Variants in FBLN5 observed in about 807,000 individuals in gnomAD.
FBLN5 encodes the protein fibulin-5.
In FBLN5, 24 loss-of-function variants were observed where a neutral mutation model predicts 61.6. That is an observed-to-expected ratio of 0.39 (90% CI 0.28 to 0.55). FBLN5 has a LOEUF of 0.55. FBLN5 is among the 20% of genes least tolerant of loss of function. FBLN5 has a pLI of 0.65. For missense variants in FBLN5, 470 were observed against 594.1 expected, an observed-to-expected ratio of 0.79 and a Z score of 2.17; for synonymous variants, 213 against 219.8, an observed-to-expected ratio of 0.97 and a Z score of 0.27.
At chr14:91,932,959 G>A (rs1221768149) in intron 4 of FBLN5, among the ~76,000 whole-genome samples, 1 of 152,254 alleles carries the variant, frequency 6.6e-6, no homozygotes, top group Non-Finnish European at 1.5e-5. Flanking sequence ...CCCCTTTGGG[G>A]CTCAGCTTGT....
At chr14:91,935,527 T>A (rs1225261087) in intron 4 of FBLN5, among the ~76,000 whole-genome samples, 1 of 152,242 alleles carries the variant, frequency 6.6e-6, no homozygotes, top group Non-Finnish European at 1.5e-5. Context: ...CTCTGCATTT[T>A]CTTTTGGGAT....
At chr14:91,930,928 T>C (rs1415657974) in intron 4 of FBLN5, among the ~76,000 whole-genome samples, 2 of 152,224 alleles carry the variant, frequency 1.3e-5, no homozygotes, top group Non-Finnish European at 2.9e-5. Flanking sequence ...ATTAGACGTT[T>C]GATGCATTTT....
rs534497684 is a variant in FBLN5 at position 91,937,277 on chromosome 14, G to A, written c.125-76C>T. 61 of 1,590,386 alleles carry A rather than the reference G, an allele frequency of 3.8e-5. No homozygotes were observed. The African/African-American group carries it at 7.0e-4, about 18-fold the overall frequency. On this transcript the variant is annotated intron_variant, in intron 3 of 10. Transcript: ENST00000342058. ...TCCGGTGCATATTTAAGCAGAACTC[G>A]GTACCAGGCGTGGAGGAAGCACTCC...
Position 91,926,155 on chromosome 14 carries a change from C to T in FBLN5, c.379+10792G>A, listed in dbSNP as rs140748404. On this transcript the variant is annotated intron_variant, in intron 4 of 10. Coordinates refer to ENST00000342058, the MANE Select transcript of FBLN5 (RefSeq NM_006329.4). ...AGGAATCCCCCTGCCAGGCACCCCA[C>T]CCACTTCCCTGAACCCCCGACAGCC... 4.7e-3 allele frequency among the ~76,000 whole-genome samples: 722 copies of T among 152,298 alleles called. 4 individuals carry two copies. The highest frequency in any genetic ancestry group is 0.016 in the African/African-American group (666 of 41,562).
chr14:91,929,091 ACACACAC>A (rs2055879893), intron 4 of FBLN5, among the ~76,000 whole-genome samples: 1 of 132,726 alleles, frequency 7.5e-6, no homozygotes, highest in Admixed American at 7.2e-5. Context: ...ACACACACAC[ACACACAC>A]ACACACACAC....
At chr14:91,936,662 T>TATAG (rs2056020311) in intron 4 of FBLN5, among the ~76,000 whole-genome samples, 2 of 152,022 alleles carry the variant, frequency 1.3e-5, no homozygotes, top group Admixed American at 6.6e-5. Context: ...ATAGATGAGT[T>TATAG]ATAGATAGAT....
At chr14:91,894,841 C>CAAAAA in intron 5 of FBLN5, 109 bp downstream of exon 5, 8 of 563,066 alleles carry the variant, frequency 1.4e-5, no homozygotes, top group Admixed American at 2.3e-5. Flanking sequence ...CCCTCCCTAG[C>CAAAAA]AAAGAAAAGC....
chr14:91,881,439 G>C (rs1262255995), intron 8 of FBLN5, 21 bp from the exon 9 acceptor site: 1 of 1,613,968 alleles, frequency 6.2e-7, no homozygotes, highest in South Asian at 1.1e-5. Context: ...GGGGAGACAA[G>C]AAGCGGAGGC....
chr14:91,937,339 G>T lies in FBLN5; in HGVS notation c.125-138C>A, dbSNP rs149108123. ...GGTGGTCCCAACTCATCGCGGTAAG[G>T]TACCCCAAATGTTGGCTGAAGTGTA... On this transcript the variant is annotated intron_variant, in intron 3 of 10. Transcript: ENST00000342058. 25 of 1,101,150 alleles carry T rather than the reference G, an allele frequency of 2.3e-5. No homozygotes were observed. In the East Asian group the frequency reaches 6.2e-4, roughly 27 times the overall value. The allele number at this position is 1,101,150 out of a possible 1,614,324, so 68.2% of individuals were successfully genotyped here.
rs374254904 is a variant in FBLN5 at position 91,882,909 on chromosome 14, C to T, written c.862+45G>A. ...TCCAGATGAGCCCCTGAAGCAGCTC[C>T]ACCTCACACATACACCCCAGCCAGG... is the stretch of plus-strand genomic sequence containing the variant. On this transcript the variant is annotated intron_variant, in intron 8 of 10. Coordinates refer to ENST00000342058, the MANE Select transcript of FBLN5 (RefSeq NM_006329.4). The surrounding 1 kb of genome is among the most constrained non-coding windows in gnomAD (Gnocchi z 4.9). 2.5e-6 allele frequency: 4 copies of T among 1,608,682 alleles called. No individual in the cohort carries two copies. Among genetic ancestry groups the T allele is most frequent in the Admixed American group, 1.7e-5 (1 of 59,784 alleles).
chr14:91,939,584 C>T (rs1195231386), intron 3 of FBLN5, among the ~76,000 whole-genome samples: 4 of 152,190 alleles, frequency 2.6e-5, no homozygotes, highest in Non-Finnish European at 4.4e-5. Flanking sequence ...TCAGGTGATG[C>T]ACTCGCCTCG....
chr14:91,893,823 C>T (rs1290988241), intron 5 of FBLN5, among the ~76,000 whole-genome samples: 2 of 152,162 alleles, frequency 1.3e-5, no homozygotes, highest in African/African-American at 4.8e-5. Flanking sequence ...AATGGAAGGC[C>T]ATAGCCGGTG....
At position 91,943,537 on chromosome 14, in the gene FBLN5, T is replaced by G. The variant is rs1244009610; in HGVS notation, c.18-576A>C. ...CCCACCCCCCAAAAAAGCTAAAACC[T>G]CCCACTATGGTATTAACCAGTTCCT... On this transcript the variant is annotated intron_variant, in intron 1 of 10. Coordinates refer to ENST00000342058, the MANE Select transcript of FBLN5 (RefSeq NM_006329.4). The surrounding 1 kb of genome is among the most constrained non-coding windows in gnomAD (Gnocchi z 4.0). Among the ~76,000 whole-genome samples the G allele has an allele frequency of 1.3e-5, 2 of 150,458 alleles. No homozygotes were observed. The highest frequency in any genetic ancestry group is 3.0e-5 in the Non-Finnish European group (2 of 67,752).
intron 7 of FBLN5, among the ~76,000 whole-genome samples, chr14:91,884,757 T>A (rs1008029085): frequency 5.3e-4 from 80 of 152,332 alleles, no homozygotes; most frequent in African/African-American, 1.9e-3. Flanking sequence ...CAAGCAGGGT[T>A]AGCTCCAGGG....
chr14:91,932,575 T>C (rs1345339499), intron 4 of FBLN5, among the ~76,000 whole-genome samples: 1 of 152,180 alleles, frequency 6.6e-6, no homozygotes, highest in African/African-American at 2.4e-5. Flanking sequence ...GCAGACTGTC[T>C]TACACTTTGA....
At chr14:91,928,194 G>A (rs187819430) in intron 4 of FBLN5, among the ~76,000 whole-genome samples, 108 of 152,388 alleles carry the variant, frequency 7.1e-4, no homozygotes, top group African/African-American at 2.4e-3. Flanking sequence ...GAAGAGCCAC[G>A]TCACCTAGGC....
At chr14:91,922,322 A>AG (rs2055751400) in intron 4 of FBLN5, among the ~76,000 whole-genome samples, 4 of 132,034 alleles carry the variant, frequency 3.0e-5, no homozygotes, top group African/African-American at 1.5e-4. Context: ...AAGTAAATAA[A>AG]TAAATAAATA....
At chr14:91,886,977 G>A (rs1274573456) in intron 7 of FBLN5, among the ~76,000 whole-genome samples, 1 of 152,088 alleles carries the variant, frequency 6.6e-6, no homozygotes, top group African/African-American at 2.4e-5. Flanking sequence ...TTTGCATCAA[G>A]GGTCAGATGA....
intron 4 of FBLN5, among the ~76,000 whole-genome samples, chr14:91,901,707 C>T (rs879559979): frequency 2.0e-5 from 3 of 152,220 alleles, no homozygotes; most frequent in Non-Finnish European, 2.9e-5. Context: ...CCTAGGGCAT[C>T]TGCACTCCAT....
Sources: gnomAD v4.1 joint callset for allele counts (sites outside exome capture counted in the v4.1 genomes callset) on GRCh38, gnomAD v4.1.1 for gene constraint, Gnocchi (gnomAD v3.1) non-coding constraint, MANE v1.5 for transcripts, NCBI Gene and HGNC (gene_info 2026-07-23, HGNC 2026-07-21) for gene names.